Variants in XKR9 observed in about 807,000 individuals in gnomAD.
XKR9 encodes XK related 9.
A neutral mutation model predicts 32.0 loss-of-function variants in XKR9; 32 were observed. The observed-to-expected ratio is 1.00, with a 90% confidence interval of 0.76 to 1.34. The LOEUF is 1.34. Among genes scored for constraint, XKR9 ranks in the 40% most tolerant of loss-of-function variants. The pLI, the probability that XKR9 is intolerant of heterozygous loss-of-function variation, is 0.00. For missense variants in XKR9, 546 were observed against 429.7 expected (o/e 1.27, Z -2.39); for synonymous variants, 168 against 143.4 (o/e 1.17, Z -1.22).
the XKR9 span, among the ~76,000 whole-genome samples, chr8:71,026,094 T>G: frequency 6.6e-6 from 1 of 152,218 alleles, no homozygotes; most frequent in Non-Finnish European, 1.5e-5. Context: ...AAAATTCAAA[T>G]CTTTGAAGTC....
At chr8:70,701,028 A>G (rs924379669) in intron 3 of XKR9, among the ~76,000 whole-genome samples, 2 of 152,158 alleles carry the variant, frequency 1.3e-5, no homozygotes, top group Admixed American at 6.5e-5. Context: ...CCGTTTTTTA[A>G]GCCCCTCGGA....
At chr8:70,752,847 A>G (rs1017268037) in intron 2 of XKR9, among the ~76,000 whole-genome samples, 2 of 152,208 alleles carry the variant, frequency 1.3e-5, no homozygotes, top group African/African-American at 4.8e-5. Context: ...TAACATCACA[A>G]TTAAAAGAAC....
chr8:70,889,192 GTTTAT>G, the XKR9 span, among the ~76,000 whole-genome samples: 2 of 151,198 alleles, frequency 1.3e-5, no homozygotes, highest in Non-Finnish European at 3.0e-5. Context: ...TTCCTCGGTG[GTTTAT>G]TTTATTTTTT....
chr8:70,856,192 A>G, the XKR9 span, among the ~76,000 whole-genome samples: 1 of 152,210 alleles, frequency 6.6e-6, no homozygotes, highest in Non-Finnish European at 1.5e-5. Flanking sequence ...CAAATTGGAT[A>G]AAGAGTGAAG....
At chr8:71,052,772 C>T in the XKR9 span, among the ~76,000 whole-genome samples, 3 of 152,324 alleles carry the variant, frequency 2.0e-5, no homozygotes, top group East Asian at 1.9e-4. Context: ...GTGGTCATCC[C>T]GCAGATTGCG....
At chr8:71,013,198 A>C in the XKR9 span, among the ~76,000 whole-genome samples, 1 of 152,188 alleles carries the variant, frequency 6.6e-6, no homozygotes, top group Non-Finnish European at 1.5e-5. Context: ...ATTTGTGTAG[A>C]AAGAGTATCT....
At position 70,681,196 on chromosome 8, in the gene XKR9, C is replaced by G; in HGVS notation, c.138C>G (p.Ser46Arg). ...GQYVFSALAL[S>R]FMLFGTLVAQ... ...ATGTTTTTAGTGCTTTAGCGTTAAG[C>G]TTTATGCTTTTTGGAACACTTGTGG... The change falls in exon 3 of 5, where the codon AGC becomes AGG. Residue 46 changes from serine (S) to arginine (R), a missense_variant. Ser to Arg is a moderately radical substitution (Grantham distance 110). Transcript: ENST00000408926. The G allele has an allele frequency of 6.2e-7, 1 of 1,613,490 alleles. No individual in the cohort carries two copies. The highest frequency in any genetic ancestry group is 1.1e-5 in the South Asian group (1 of 91,072).
At chr8:71,032,403 G>A in the XKR9 span, among the ~76,000 whole-genome samples, 10,100 of 151,624 alleles carry the variant, frequency 0.067, 471 homozygotes, top group Non-Finnish European at 0.094. Flanking sequence ...GCCTTTAAGA[G>A]GAAAACACTT....
the XKR9 span, among the ~76,000 whole-genome samples, chr8:70,984,322 T>C: frequency 1.3e-5 from 2 of 152,198 alleles, no homozygotes; most frequent in Admixed American, 1.3e-4. Context: ...CATGATGCCA[T>C]CACAATGATC....
the XKR9 span, among the ~76,000 whole-genome samples, chr8:70,990,733 A>AAG: frequency 0.12 from 16,692 of 142,918 alleles, 861 homozygotes; most frequent in Non-Finnish European, 0.14. Context: ...TTGGCAGAAT[A>AAG]AGAGAGAGAG....
At chr8:71,015,650 C>T in the XKR9 span, among the ~76,000 whole-genome samples, 2 of 152,120 alleles carry the variant, frequency 1.3e-5, no homozygotes, top group African/African-American at 2.4e-5. Flanking sequence ...ACACATTTAA[C>T]TGCAGGGTTT....
At chr8:70,739,101 C>T (rs1014601067), downstream of XKR9, among the ~76,000 whole-genome samples, 1 of 151,944 alleles carries the variant, frequency 6.6e-6, no homozygotes, top group African/African-American at 2.4e-5. Flanking sequence ...GTGTGGGAAT[C>T]TAAGTCTGTT....
intron 4 of XKR9, among the ~76,000 whole-genome samples, chr8:70,713,781 G>A (rs577924876): frequency 7.2e-5 from 11 of 152,154 alleles, no homozygotes; most frequent in African/African-American, 2.6e-4. Flanking sequence ...TGGATGTGGG[G>A]TTTTTAAAGT....
At position 70,733,745 on chromosome 8, in the gene XKR9, A is replaced by G. The variant is rs549642506; in HGVS notation, c.494-51A>G. ...AGCATGTATGGGATATAGTAATCTA[A>G]TATTTCTATTATTCCTATAACAATA... On this transcript the variant is annotated intron_variant, in intron 4 of 4. Coordinates refer to ENST00000408926, the MANE Select transcript of XKR9 (RefSeq NM_001011720.2). The G allele has an allele frequency of 4.2e-6, 6 of 1,412,126 alleles. No homozygotes were observed. The African/African-American group carries it at 8.7e-5, about 20-fold the overall frequency. The allele number at this position is 1,412,126 out of a possible 1,614,324, so 87.5% of individuals were successfully genotyped here.
At chr8:70,757,165 A>T (rs1807238754) in intron 2 of XKR9, among the ~76,000 whole-genome samples, 2 of 151,802 alleles carry the variant, frequency 1.3e-5, no homozygotes, top group South Asian at 4.2e-4. Flanking sequence ...TTGGATGTTT[A>T]GCTTTGAATT....
the XKR9 span, among the ~76,000 whole-genome samples, chr8:70,993,088 T>C: frequency 6.6e-6 from 1 of 152,196 alleles, no homozygotes; most frequent in Non-Finnish European, 1.5e-5. Flanking sequence ...TTAAAATCTG[T>C]CTGTTAACCT....
intron 2 of XKR9, among the ~76,000 whole-genome samples, chr8:70,754,512 C>A (rs975655354): frequency 7.0e-6 from 1 of 143,048 alleles, no homozygotes; most frequent in African/African-American, 2.5e-5. Flanking sequence ...TGACTTCAAA[C>A]TATACTATAA....
chr8:70,759,017 C>G (rs1478565339), intron 2 of XKR9, among the ~76,000 whole-genome samples: 1 of 152,202 alleles, frequency 6.6e-6, no homozygotes, highest in Non-Finnish European at 1.5e-5. Flanking sequence ...ATTTCCCACT[C>G]TAAGCTATAT....
At chr8:70,861,756 T>C in the XKR9 span, among the ~76,000 whole-genome samples, 112 of 152,310 alleles carry the variant, frequency 7.4e-4, 1 homozygote. Flanking sequence ...GTAAGCACTG[T>C]ATACATATTA....
Sources: gnomAD v4.1 joint callset for allele counts (sites outside exome capture counted in the v4.1 genomes callset) on GRCh38, gnomAD v4.1.1 for gene constraint, MANE v1.5 for transcripts, NCBI Gene and HGNC (gene_info 2026-07-23, HGNC 2026-07-21) for gene names.